The following CHN1 variants were observed in gnomAD, a reference collection of about 807,000 sequenced individuals.
CHN1 encodes the protein chimerin 1.
Under a neutral mutation model 59.5 loss-of-function variants are expected in CHN1, and 37 were observed. That is an observed-to-expected ratio of 0.62 (90% confidence interval 0.48 to 0.82). CHN1 has a LOEUF of 0.82. Among genes scored for constraint, CHN1 ranks in the 40% least tolerant of loss-of-function variants. The probability of loss-of-function intolerance (pLI) is 0.00; values close to 1 mark genes in which losing one functional copy is unlikely to be tolerated. For synonymous variants in CHN1, 206 were observed against 200.4 expected, an observed-to-expected ratio of 1.03 and a Z score of -0.24; for missense variants, 469 against 571.0, an observed-to-expected ratio of 0.82 and a Z score of 1.82.
At chr2:174,975,402 C>T (rs902672966) in intron 1 of CHN1, among the ~76,000 whole-genome samples, 2 of 151,822 alleles carry the variant, frequency 1.3e-5, no homozygotes, top group African/African-American at 4.8e-5. Flanking sequence ...CCTATTTGTT[C>T]TCCCTTCTCT....
chr2:174,962,105 T>C (rs958527085), intron 1 of CHN1, among the ~76,000 whole-genome samples: 1 of 151,896 alleles, frequency 6.6e-6, no homozygotes, highest in African/African-American at 2.4e-5. Flanking sequence ...ACCAACATGG[T>C]GAAACCCCGT....
chr2:174,824,377 C>G (rs909279296), intron 8 of CHN1, 57 bp downstream of exon 8: 2 of 1,351,430 alleles, frequency 1.5e-6, no homozygotes, highest in African/African-American at 2.9e-5. Context: ...CTCCTTCTAC[C>G]TCACCTCTTA....
chr2:174,901,420 TC>T (rs1031302464), intron 5 of CHN1, among the ~76,000 whole-genome samples: 5 of 152,210 alleles, frequency 3.3e-5, no homozygotes, highest in African/African-American at 1.2e-4. Context: ...AGAAAAGCCT[TC>T]CCTGATTGCA....
intron 1 of CHN1, among the ~76,000 whole-genome samples, chr2:174,986,041 C>A (rs1049907836): frequency 1.3e-5 from 2 of 152,084 alleles, no homozygotes; most frequent in African/African-American, 4.8e-5. Flanking sequence ...ACATCCATAA[C>A]TATAATAAAC....
intron 4 of CHN1, among the ~76,000 whole-genome samples, chr2:174,916,044 T>G (rs1688839079): frequency 6.6e-6 from 1 of 152,188 alleles, no homozygotes; most frequent in Non-Finnish European, 1.5e-5. Context: ...GACACAGGCT[T>G]TCTCTGACTC....
intron 3 of CHN1, among the ~76,000 whole-genome samples, chr2:174,940,350 G>T (rs371297622): frequency 8.5e-5 from 13 of 152,164 alleles, no homozygotes; most frequent in African/African-American, 3.1e-4. Context: ...TTTCAATAAT[G>T]TATCATCTAG....
At chr2:174,873,698 T>A (rs1355805705) in intron 6 of CHN1, among the ~76,000 whole-genome samples, 1 of 152,212 alleles carries the variant, frequency 6.6e-6, no homozygotes, top group Non-Finnish European at 1.5e-5. Context: ...CATTTCAACT[T>A]AAAATTTCAC....
In CHN1 at chr2:174,853,102, T is replaced by C. The variant is rs541843447; in HGVS notation, c.550-6145A>G. 1.2e-4 allele frequency among the ~76,000 whole-genome samples: 19 copies of C among 152,282 alleles called. No individual in the cohort carries two copies. The East Asian group carries it at 3.7e-3, about 29-fold the overall frequency. On this transcript the variant is annotated intron_variant, in intron 6 of 12. Coordinates refer to ENST00000409900, the MANE Select transcript of CHN1 (RefSeq NM_001822.7). The stretch of plus-strand genomic sequence containing the variant: ...AACAAAAATGGACAAGTGGGCCTAA[T>C]TCAACCGAAGAGCTTGTGCACAGCA...
intron 7 of CHN1, among the ~76,000 whole-genome samples, chr2:174,840,161 C>CTTTTTTTTTTTTTTTTTTT (rs71407154): frequency 1.5e-5 from 1 of 67,388 alleles, no homozygotes; most frequent in Non-Finnish European, 2.7e-5. Context: ...TAAAACCATT[C>CTTTTTTTTTTTTTTTTTTT]TTTTTTTTTT....
chr2:174,832,895 C>A (rs1685928342), intron 7 of CHN1, among the ~76,000 whole-genome samples: 1 of 152,008 alleles, frequency 6.6e-6, no homozygotes, highest in Admixed American at 6.6e-5. Context: ...AACATTAACA[C>A]CATGGTATTT....
chr2:174,802,733 T>C (rs983475807), intron 11 of CHN1, among the ~76,000 whole-genome samples: 1 of 152,252 alleles, frequency 6.6e-6, no homozygotes, highest in African/African-American at 2.4e-5. Context: ...GGTCAAAAGA[T>C]GGGGTGCTTT....
chr2:174,895,089 C>T (rs1688174284), intron 5 of CHN1, among the ~76,000 whole-genome samples: 1 of 147,534 alleles, frequency 6.8e-6, no homozygotes, highest in Non-Finnish European at 1.5e-5. Flanking sequence ...TAGTACTATC[C>T]ACAGTTTCAG....
intron 1 of CHN1, among the ~76,000 whole-genome samples, chr2:174,954,806 T>A (rs1399938559): frequency 6.6e-6 from 1 of 152,028 alleles, no homozygotes; most frequent in East Asian, 1.9e-4. Flanking sequence ...ATGGTGTGGA[T>A]GTGGTGAAAG....
intron 8 of CHN1, among the ~76,000 whole-genome samples, chr2:174,815,940 G>A (rs1174405405): frequency 6.6e-6 from 1 of 152,114 alleles, no homozygotes; most frequent in Non-Finnish European, 1.5e-5. Flanking sequence ...TGCTACTGCA[G>A]TGCTATTGTG....
chr2:174,849,726 A>G (rs1048662430), intron 6 of CHN1, among the ~76,000 whole-genome samples: 2 of 152,134 alleles, frequency 1.3e-5, no homozygotes, highest in African/African-American at 2.4e-5. Flanking sequence ...CACTTTATAC[A>G]TAGAATCCCA....
chr2:174,824,871 A>AT (rs1191109063), intron 7 of CHN1, among the ~76,000 whole-genome samples: 1 of 152,196 alleles, frequency 6.6e-6, no homozygotes, highest in Admixed American at 6.5e-5. Flanking sequence ...TGGCCTCCCA[A>AT]AGTGCTGGGA....
At chr2:174,854,069 A>T (rs1686827058) in intron 6 of CHN1, among the ~76,000 whole-genome samples, 1 of 152,216 alleles carries the variant, frequency 6.6e-6, no homozygotes, top group Admixed American at 6.5e-5. Context: ...TGAGTGAAAA[A>T]ATAAATAAAA....
chr2:174,887,169 A>G (rs756584482), intron 5 of CHN1, among the ~76,000 whole-genome samples: 3 of 152,228 alleles, frequency 2.0e-5, no homozygotes, highest in Non-Finnish European at 4.4e-5. Context: ...AAATACAACT[A>G]GACTAGGATT....
chr2:174,847,082 A>T, intron 6 of CHN1, 125 bp from the exon 7 acceptor site: 1 of 1,551,654 alleles, frequency 6.4e-7, no homozygotes, highest in Non-Finnish European at 8.7e-7. Context: ...TGATTTGTGA[A>T]CTGCAGCCCT....
Sources: gnomAD v4.1 joint callset for allele counts (sites outside exome capture counted in the v4.1 genomes callset) on GRCh38, gnomAD v4.1.1 for gene constraint, MANE v1.5 for transcripts, NCBI Gene and HGNC (gene_info 2026-07-23, HGNC 2026-07-21) for gene names.